The following AFAP1 variants were observed in gnomAD, a reference collection of about 807,000 sequenced individuals.
AFAP1 encodes actin filament associated protein 1, also known as actin filament-associated protein 1.
Under a neutral mutation model 93.9 loss-of-function variants are expected in AFAP1, and 75 were observed. That is an observed-to-expected ratio of 0.80 (90% CI 0.66 to 0.97). The LOEUF is 0.97. Ranked by LOEUF, AFAP1 falls within the 50% of genes least tolerant of loss-of-function variation. AFAP1 has a pLI of 0.00. For synonymous variants in AFAP1, 517 were observed against 430.7 expected (o/e 1.20, Z -2.48); for missense variants, 1,201 against 1,050.8 (o/e 1.14, Z -1.98).
rs1212484005 is a variant in AFAP1 at position 7,889,689 on chromosome 4, CGTTT to C, written c.-2-17613_-2-17610del. ...GTACATCAACTGTACCTCAATGAAGCGTTTTTTTTTTTTTTAAAAAAAGAACAAT... is the reference window on the plus strand; with the variant it reads ...GTACATCAACTGTACCTCAATGAAGCTTTTTTTTTTTAAAAAAAGAACAAT... On this transcript the variant is annotated intron_variant, in intron 1 of 17. Transcript: ENST00000420658. Among the ~76,000 whole-genome samples, 571 of 89,008 alleles carry C rather than the reference CGTTT, an allele frequency of 6.4e-3. 3 individuals are homozygous for C. Among genetic ancestry groups the C allele is most frequent in the African/African-American group, 0.019 (545 of 28,734 alleles). The allele number at this position is 89,008 out of a possible 152,430, so 58.4% of individuals were successfully genotyped here.
Position 7,789,662 on chromosome 4 carries a change from G to A in AFAP1, c.1413-3351C>T, listed in dbSNP as rs114995725. 4.7e-5 allele frequency among the ~76,000 whole-genome samples: 6 copies of A among 126,736 alleles called. No individual in the cohort carries two copies. The South Asian group carries it at 1.1e-3, about 24-fold the overall frequency. The allele number at this position is 126,736 out of a possible 152,430, so 83.1% of individuals were successfully genotyped here. A position where few individuals can be genotyped will look rare whatever the true frequency, so the allele number is the denominator to read the frequency against. ...ATCTCCCCACACTCTGCACCAGCCC[G>A]CTTTCCATCCTCTTTATCCTCACCA... On this transcript the variant is annotated intron_variant, in intron 11 of 17. Coordinates refer to ENST00000420658, the MANE Select transcript of AFAP1 (RefSeq NM_001134647.2).
In AFAP1 at chr4:7,825,704, A is replaced by T. The variant is rs1425247390; in HGVS notation, c.727-6533T>A. 2.0e-5 allele frequency among the ~76,000 whole-genome samples: 3 copies of T among 151,962 alleles called. No homozygotes were observed. In the East Asian group the frequency reaches 5.8e-4, roughly 29 times the overall value. On this transcript the variant is annotated intron_variant, in intron 6 of 17. Transcript: ENST00000420658. ...TGCGATAATTACAGCAAATTAAGCT[A>T]AAAAAAAGTAGAAGCAAAATAATAA...
chr4:7,769,600 GCCC>G (rs1299613746), intron 16 of AFAP1, among the ~76,000 whole-genome samples: 1 of 151,918 alleles, frequency 6.6e-6, no homozygotes, highest in Non-Finnish European at 1.5e-5. Context: ...AGCTGCCGAG[GCCC>G]CCATTGCTGG....
At chr4:7,911,336 G>C (rs1353850049) in intron 1 of AFAP1, among the ~76,000 whole-genome samples, 2 of 152,188 alleles carry the variant, frequency 1.3e-5, no homozygotes, top group Admixed American at 1.3e-4. Flanking sequence ...GCCTTTCTAA[G>C]TGCATGAAAA....
chr4:7,763,998 AC>A (rs1285777410), intron 17 of AFAP1, among the ~76,000 whole-genome samples: 1 of 151,736 alleles, frequency 6.6e-6, no homozygotes, highest in African/African-American at 2.4e-5. Flanking sequence ...GATACCACAC[AC>A]CCCGTTCACA....
At chr4:7,779,649 G>C (rs1384188450) in intron 13 of AFAP1, among the ~76,000 whole-genome samples, 1 of 152,196 alleles carries the variant, frequency 6.6e-6, no homozygotes, top group Non-Finnish European at 1.5e-5. Flanking sequence ...GAGGCAGAGA[G>C]ATCTAGCTCC....
intron 1 of AFAP1, among the ~76,000 whole-genome samples, chr4:7,898,619 G>T (rs372829491): frequency 1.4e-5 from 2 of 145,668 alleles, no homozygotes; most frequent in Admixed American, 7.0e-5. Context: ...CATAAGTCTG[G>T]ATTATTTCAA....
chr4:7,817,413 C>T (rs1720571499), intron 7 of AFAP1, among the ~76,000 whole-genome samples: 1 of 152,114 alleles, frequency 6.6e-6, no homozygotes, highest in African/African-American at 2.4e-5. Flanking sequence ...CCAGCCTGAC[C>T]AACATGGTGA....
intron 1 of AFAP1, among the ~76,000 whole-genome samples, chr4:7,904,667 A>T (rs1405766552): frequency 6.6e-6 from 1 of 151,860 alleles, no homozygotes; most frequent in Non-Finnish European, 1.5e-5. Context: ...AACTTTCAAA[A>T]GTTAACTACT....
intron 9 of AFAP1, among the ~76,000 whole-genome samples, chr4:7,808,182 A>G (rs1274243255): frequency 6.6e-6 from 1 of 152,222 alleles, no homozygotes; most frequent in Non-Finnish European, 1.5e-5. Context: ...GCACATTCCT[A>G]TAATTTCTCG....
At chr4:7,875,867 T>C (rs980844840) in intron 1 of AFAP1, among the ~76,000 whole-genome samples, 1 of 152,142 alleles carries the variant, frequency 6.6e-6, no homozygotes, top group Non-Finnish European at 1.5e-5. Context: ...ATAAAGTACT[T>C]AGAGTAGTCA....
At chr4:7,920,934 TA>T (rs1720406898) in intron 1 of AFAP1, among the ~76,000 whole-genome samples, 1 of 151,912 alleles carries the variant, frequency 6.6e-6, no homozygotes. Context: ...ATTACAGTAT[TA>T]ACTTGTCAAA....
At chr4:7,932,764 G>C (rs960393255) in intron 1 of AFAP1, among the ~76,000 whole-genome samples, 4 of 152,138 alleles carry the variant, frequency 2.6e-5, no homozygotes, top group African/African-American at 9.7e-5. Flanking sequence ...GCTCACGCCT[G>C]TAATTCCAGC....
intron 12 of AFAP1, among the ~76,000 whole-genome samples, chr4:7,784,386 C>T (rs145339610): frequency 1.9e-4 from 29 of 152,266 alleles, no homozygotes; most frequent in African/African-American, 6.7e-4. Flanking sequence ...GCTCCTATGT[C>T]TGTTTCCCTC....
intron 14 of AFAP1, chr4:7,777,905 C>T (rs932389289): frequency 1.3e-5 from 2 of 152,200 alleles, no homozygotes; most frequent in Non-Finnish European, 2.9e-5. Context: ...CTGGCTGGCT[C>T]CCTGATTAGA....
chr4:7,811,210 C>T (rs1720002127), intron 8 of AFAP1, among the ~76,000 whole-genome samples: 1 of 152,150 alleles, frequency 6.6e-6, no homozygotes, highest in Non-Finnish European at 1.5e-5. Flanking sequence ...AACCCCAGCG[C>T]CCGACCCTTT....
At chr4:7,865,105 G>A (rs1455887977) in intron 3 of AFAP1, among the ~76,000 whole-genome samples, 1 of 152,048 alleles carries the variant, frequency 6.6e-6, no homozygotes, top group African/African-American at 2.4e-5. Context: ...TACAAAAACT[G>A]GAAATTACAA....
At chr4:7,827,293 C>T (rs975370179) in intron 6 of AFAP1, among the ~76,000 whole-genome samples, 5 of 151,986 alleles carry the variant, frequency 3.3e-5, no homozygotes, top group East Asian at 1.9e-4. Flanking sequence ...GAGGAGAGGC[C>T]GGGCACGGTG....
chr4:7,785,288 G>T (rs73084412), intron 12 of AFAP1, among the ~76,000 whole-genome samples: 66 of 152,250 alleles, frequency 4.3e-4, no homozygotes, highest in African/African-American at 1.5e-3. Context: ...CAGACTTCAG[G>T]ACTCCTAAGG....
Sources: gnomAD v4.1 joint callset for allele counts (sites outside exome capture counted in the v4.1 genomes callset) on GRCh38, gnomAD v4.1.1 for gene constraint, MANE v1.5 for transcripts, NCBI Gene and HGNC (gene_info 2026-07-23, HGNC 2026-07-21) for gene names.